The following MFSD1 variants were observed in gnomAD, a reference collection of about 807,000 sequenced individuals.
MFSD1 encodes lysosomal dipeptide transporter MFSD1.
In MFSD1, 59 loss-of-function variants were observed where a neutral mutation model predicts 67.1. That is an observed-to-expected ratio of 0.88 (90% CI 0.71 to 1.09). The LOEUF (loss-of-function observed/expected upper bound fraction) is 1.09, where lower values mean the gene tolerates loss of function less well. Among genes scored for constraint, MFSD1 ranks in the 50% least tolerant of loss-of-function variants. The probability of loss-of-function intolerance (pLI) is 0.00; values close to 1 mark genes in which losing one functional copy is unlikely to be tolerated. For missense variants in MFSD1, 552 were observed against 566.1 expected (o/e 0.97, Z 0.25); for synonymous variants, 213 against 200.3 (o/e 1.06, Z -0.54).
At chr3:158,821,213 C>CT (rs1730652821) in intron 9 of MFSD1, among the ~76,000 whole-genome samples, 1 of 152,162 alleles carries the variant, frequency 6.6e-6, no homozygotes, top group African/African-American at 2.4e-5. Context: ...GGTTTATACC[C>CT]TTTGAGTTCA....
At chr3:158,802,642 T>G in intron 1 of MFSD1, 1 of 589,064 alleles carries the variant, frequency 1.7e-6, no homozygotes, top group Non-Finnish European at 3.2e-6. Context: ...AAGGTTCCTC[T>G]TTTGGCACAC....
rs1334570308 is a variant in MFSD1 at position 158,829,358 on chromosome 3, A to T, written c.*376A>T. Reference sequence around the variant, plus strand: ...CTTTTCTTTATCTTATAGCAGGAAAAAAAAACTTTTGAGGGAAATAGAAGG... The same window carrying T: ...CTTTTCTTTATCTTATAGCAGGAAATAAAAACTTTTGAGGGAAATAGAAGG... On this transcript the variant is annotated 3_prime_UTR_variant, in exon 16 of 16. Coordinates refer to ENST00000415822, the MANE Select transcript of MFSD1 (RefSeq NM_022736.4). The T allele has an allele frequency of 6.3e-6, 1 of 158,496 alleles. No homozygotes were observed. Among genetic ancestry groups the T allele is most frequent in the Admixed American group, 6.5e-5 (1 of 15,448 alleles). The allele number at this position is 158,496 out of a possible 1,614,324, so 9.8% of individuals were successfully genotyped here. A position where few individuals can be genotyped will look rare whatever the true frequency, so the allele number is the denominator to read the frequency against.
intron 5 of MFSD1, among the ~76,000 whole-genome samples, chr3:158,808,574 A>G (rs1729841816): frequency 6.6e-6 from 1 of 152,198 alleles, no homozygotes; most frequent in African/African-American, 2.4e-5. Context: ...TATCGATGGT[A>G]ATGTAGTAAC....
intron 7 of MFSD1, among the ~76,000 whole-genome samples, chr3:158,816,376 G>C (rs970041849): frequency 8.6e-5 from 13 of 152,044 alleles, no homozygotes; most frequent in Non-Finnish European, 1.8e-4. Flanking sequence ...TCTCATTGTG[G>C]TTTTGATTTG....
chr3:158,810,604 T>C (rs993708530), intron 6 of MFSD1, among the ~76,000 whole-genome samples: 8 of 152,210 alleles, frequency 5.3e-5, no homozygotes, highest in African/African-American at 1.9e-4. Flanking sequence ...CTCCATAGGC[T>C]AAGTGGCTAG....
intron 1 of MFSD1, among the ~76,000 whole-genome samples, chr3:158,803,882 T>C (rs1224431934): frequency 6.6e-6 from 1 of 152,202 alleles, no homozygotes; most frequent in Non-Finnish European, 1.5e-5. Context: ...TTTCAAATAT[T>C]GGTTTTGTCA....
intron 7 of MFSD1, among the ~76,000 whole-genome samples, chr3:158,817,365 A>C (rs1196058781): frequency 6.6e-6 from 1 of 152,198 alleles, no homozygotes; most frequent in African/African-American, 2.4e-5. Flanking sequence ...GTCTCAGCCC[A>C]AAATCTCCTT....
chr3:158,817,010 ATC>A lies in MFSD1; in HGVS notation c.653-2635_653-2634del, dbSNP rs1223138781. Among the ~76,000 whole-genome samples the A allele has an allele frequency of 2.0e-5, 3 of 152,172 alleles. No homozygotes were observed. The East Asian group carries it at 5.8e-4, about 29-fold the overall frequency. ...GCTCTATTCTGTTCCATTGATCTAT[ATC>A]TCTGTTTTGGTACCAGTACCATGCT... is the stretch of plus-strand genomic sequence containing the variant. On this transcript the variant is annotated intron_variant, in intron 7 of 15. Coordinates refer to ENST00000415822, the MANE Select transcript of MFSD1 (RefSeq NM_022736.4).
At chr3:158,819,039 C>T (rs1301556977) in intron 7 of MFSD1, among the ~76,000 whole-genome samples, 1 of 152,178 alleles carries the variant, frequency 6.6e-6, no homozygotes, top group Non-Finnish European at 1.5e-5. Flanking sequence ...TATTAAGCTT[C>T]TTTTGGAAAT....
At chr3:158,804,967 G>C (rs564660279) in intron 2 of MFSD1, among the ~76,000 whole-genome samples, 7 of 152,290 alleles carry the variant, frequency 4.6e-5, no homozygotes, top group Admixed American at 1.3e-4. Context: ...CATGCTTGAG[G>C]GGATGGAGAG....
chr3:158,824,373 C>G (rs563798500), intron 13 of MFSD1, 137 bp downstream of exon 13: 1 of 660,260 alleles, frequency 1.5e-6, no homozygotes, highest in Non-Finnish European at 2.6e-6. Flanking sequence ...CTTTCTAGCC[C>G]TCTGAAGATT....
At chr3:158,815,672 C>CT (rs756967131) in intron 7 of MFSD1, among the ~76,000 whole-genome samples, 436 of 149,266 alleles carry the variant, frequency 2.9e-3, no homozygotes, top group East Asian at 0.019. Context: ...TATTATTATA[C>CT]TTTAAGTTTT....
intron 11 of MFSD1, 186 bp from the exon 12 acceptor site, chr3:158,823,242 A>G (rs964591073): frequency 8.7e-6 from 5 of 577,868 alleles, no homozygotes; most frequent in Admixed American, 2.9e-5. Flanking sequence ...TCTTGTCGCT[A>G]AAAGGATACT....
intron 11 of MFSD1, 195 bp from the exon 12 acceptor site, chr3:158,823,233 C>G (rs1214370403): frequency 1.8e-6 from 1 of 566,794 alleles, no homozygotes; most frequent in African/African-American, 1.9e-5. Flanking sequence ...CAGCATGTAT[C>G]TTGTCGCTAA....
At chr3:158,812,161 A>G (rs1049078988) in intron 6 of MFSD1, among the ~76,000 whole-genome samples, 1 of 152,346 alleles carries the variant, frequency 6.6e-6, no homozygotes, top group Admixed American at 6.5e-5. Flanking sequence ...ATATGCTAAT[A>G]GTTCAAGTGT....
intron 6 of MFSD1, among the ~76,000 whole-genome samples, chr3:158,812,864 C>T (rs1318964478): frequency 6.6e-6 from 1 of 152,094 alleles, no homozygotes; most frequent in East Asian, 1.9e-4. Flanking sequence ...AGCCTCTGCT[C>T]TCCTTGCCAT....
chr3:158,814,986 G>A (rs1042370802), intron 7 of MFSD1, among the ~76,000 whole-genome samples: 5 of 152,098 alleles, frequency 3.3e-5, no homozygotes, highest in Admixed American at 6.6e-5. Flanking sequence ...GGAGGCTGAG[G>A]CAGGAGAATC....
intron 15 of MFSD1, 149 bp from the exon 16 acceptor site, chr3:158,828,830 A>C: frequency 5.3e-6 from 3 of 565,450 alleles, no homozygotes; most frequent in Non-Finnish European, 8.6e-6. Context: ...TTTAGGATCA[A>C]GAAGAGTTAA....
rs201051598 is a variant in MFSD1, at chr3:158,816,829, CA to C, written c.652+2763del. 9.2e-4 allele frequency among the ~76,000 whole-genome samples: 126 copies of C among 136,654 alleles called. 1 individual carries two copies. The East Asian group carries it at 0.021, about 23-fold the overall frequency. The allele number at this position is 136,654 out of a possible 152,430, so 89.7% of individuals were successfully genotyped here. On this transcript the variant is annotated intron_variant, in intron 7 of 15. Transcript: ENST00000415822. ...ATCCATCTTGAATTAATTTTTGTAT[CA>C]GGGGTAAGGAAGGGATCCAGTTTCA... is the stretch of plus-strand genomic sequence containing the variant.
Sources: gnomAD v4.1 joint callset for allele counts (sites outside exome capture counted in the v4.1 genomes callset) on GRCh38, gnomAD v4.1.1 for gene constraint, MANE v1.5 for transcripts, NCBI Gene and HGNC (gene_info 2026-07-23, HGNC 2026-07-21) for gene names.